The following SPTBN4 variants were observed in gnomAD, a reference collection of about 807,000 sequenced individuals.
The protein encoded by SPTBN4 is spectrin beta, non-erythrocytic 4, also known as spectrin beta chain, non-erythrocytic 4.
Under a neutral mutation model 277.8 loss-of-function variants are expected in SPTBN4, and 96 were observed. The observed-to-expected ratio is 0.35, with a 90% confidence interval of 0.29 to 0.41. The LOEUF (loss-of-function observed/expected upper bound fraction) is 0.41, where lower values mean the gene tolerates loss of function less well. Ranked by LOEUF, SPTBN4 falls within the 10% of genes least tolerant of loss-of-function variation. SPTBN4 has a pLI of 1.00. For synonymous variants in SPTBN4, 1,481 were observed against 1,580.3 expected (o/e 0.94, Z 1.49); for missense variants, 3,006 against 3,595.7 (o/e 0.84, Z 4.19).
intron 20 of SPTBN4, among the ~76,000 whole-genome samples, chr19:40,548,068 C>CAAA (rs2145921566): frequency 6.6e-6 from 1 of 152,256 alleles, no homozygotes; most frequent in African/African-American, 2.4e-5. Flanking sequence ...TCCATCTTTC[C>CAAA]CTTGGGGATT....
chr19:40,527,215 C>T (rs2145888490), intron 17 of SPTBN4, among the ~76,000 whole-genome samples: 1 of 152,284 alleles, frequency 6.6e-6, no homozygotes. Context: ...TTTTCTCTCC[C>T]TCCATCTGCA....
chr19:40,492,842 G>A, intron 4 of SPTBN4, 121 bp from the exon 5 acceptor site: 1 of 760,600 alleles, frequency 1.3e-6, no homozygotes, highest in Non-Finnish European at 2.2e-6. Flanking sequence ...CCCCCAGCCA[G>A]AAGCTGCCTC....
rs374234251 is a variant in SPTBN4 at position 40,557,259 on chromosome 19, C to T, written c.5526C>T (p.Asp1842=). 124 of 1,613,662 alleles carry T rather than the reference C, an allele frequency of 7.7e-5. No individual in the cohort carries two copies. Among genetic ancestry groups the T allele is most frequent in the East Asian group, 4.5e-4 (20 of 44,860 alleles). The change falls in exon 26 of 36, where the codon GAC becomes GAT. Residue 1842 remains aspartate (D), a synonymous_variant. Coordinates refer to ENST00000598249, the MANE Select transcript of SPTBN4 (RefSeq NM_020971.3). ...GGGAGCTTCATAAGTTCTTCAGTGA[C>T]GCCCGAGAGCTTCAGGGACAGATTG... The part of the protein sequence containing the change: ...ASRELHKFFS[D]ARELQGQIEE...
chr19:40,490,312 T>A lies in SPTBN4; in HGVS notation c.495+64T>A. On this transcript the variant is annotated intron_variant, in intron 4 of 35. Coordinates refer to ENST00000598249, the MANE Select transcript of SPTBN4 (RefSeq NM_020971.3). This position sits in a 1 kb window ranked among gnomAD's most constrained non-coding sequence, Gnocchi z 4.3. ...GGACTTAGGAAAGCGTTCCCCACCA[T>A]TTACCCATTCATTCTTTCCTTCCAA... 7 of 1,531,676 alleles carry A rather than the reference T, an allele frequency of 4.6e-6. No homozygotes were observed. Among genetic ancestry groups the A allele is most frequent in the Non-Finnish European group, 6.2e-6 (7 of 1,133,256 alleles). The allele number at this position is 1,531,676 out of a possible 1,614,324, so 94.9% of individuals were successfully genotyped here.
Position 40,504,083 on chromosome 19 carries a change from A to G in SPTBN4, c.1616A>G (p.Lys539Arg). 1 of 1,465,604 alleles carries G rather than the reference A, an allele frequency of 6.8e-7. No homozygotes were observed. Among genetic ancestry groups the G allele is most frequent in the South Asian group, 1.1e-5 (1 of 89,376 alleles). 90.8% of individuals were successfully genotyped at this position (1,465,604 alleles called of 1,614,324 possible). A position where few individuals can be genotyped will look rare whatever the true frequency, so the allele number is the denominator to read the frequency against. ...TRLEQNLALQ[K>R]VFQEMVYMVD... The stretch of plus-strand genomic sequence containing the variant: ...CTTGAGCAGAACCTTGCCCTGCAGA[A>G]GGTCTTCCAGGAGATGGTGTACATG... Residue 539 changes from lysine to arginine, a missense_variant, in exon 12 of 36, where the codon AAG (lysine) becomes AGG (arginine). Physicochemically the swap from Lys to Arg is conservative, Grantham distance 26. Coordinates refer to ENST00000598249, the MANE Select transcript of SPTBN4 (RefSeq NM_020971.3).
chr19:40,549,615 CATTT>C (rs757802567), intron 21 of SPTBN4, among the ~76,000 whole-genome samples: 302 of 152,354 alleles, frequency 2.0e-3, no homozygotes, highest in Middle Eastern at 3.4e-3. Context: ...TGAAGTCACT[CATTT>C]ATTTATTCAC....
intron 14 of SPTBN4, among the ~76,000 whole-genome samples, chr19:40,514,315 G>T (rs1040763784): frequency 1.1e-4 from 16 of 152,226 alleles, no homozygotes; most frequent in African/African-American, 3.1e-4. Flanking sequence ...TTGATTTAAA[G>T]ATGGGAGGAC....
At chr19:40,523,790 CT>C in intron 17 of SPTBN4, 151 bp downstream of exon 17, 2 of 796,288 alleles carry the variant, frequency 2.5e-6, no homozygotes, top group Non-Finnish European at 3.8e-6. Context: ...TCCATGTTGT[CT>C]TAGATTTGAT....
At chr19:40,474,393 C>G (rs903574298) in intron 2 of SPTBN4, among the ~76,000 whole-genome samples, 2 of 151,392 alleles carry the variant, frequency 1.3e-5, no homozygotes, top group Non-Finnish European at 2.9e-5. Context: ...CACCGAAACT[C>G]TCAGCCTTGG....
rs576794471 is a variant in SPTBN4, at chr19:40,502,164, G to A, written c.934G>A (p.Glu312Lys). 754 of 1,614,072 alleles carry A rather than the reference G, an allele frequency of 4.7e-4. 7 individuals are homozygous for A. The South Asian group carries it at 7.6e-3, about 16-fold the overall frequency. Residue 312 changes from glutamate to lysine, a missense_variant, in exon 9 of 36, where the codon GAA becomes AAA. Physicochemically the swap from Glu to Lys is moderately conservative, Grantham distance 56. Transcript: ENST00000598249. This position sits in a 1 kb window ranked among gnomAD's most constrained non-coding sequence, Gnocchi z 4.9. Reference protein sequence around the residue: ...DQVLEVGKIIERYEELAAELL... With the variant: ...DQVLEVGKIIKRYEELAAELL... Reference sequence around the variant, plus strand: ...GGTATTGGAGGTGGGGAAGATCATAGAACGCTACGAGGAGCTGGCGGCTGA... The same window carrying A: ...GGTATTGGAGGTGGGGAAGATCATAAAACGCTACGAGGAGCTGGCGGCTGA...
chr19:40,478,940 G>C (rs530984730), intron 2 of SPTBN4, among the ~76,000 whole-genome samples: 11 of 152,178 alleles, frequency 7.2e-5, no homozygotes, highest in Non-Finnish European at 1.6e-4. Context: ...CACATTTATA[G>C]AGGAACTCCA....
intron 31 of SPTBN4, 142 bp from the exon 32 acceptor site, chr19:40,569,515 A>G (rs954655542): frequency 1.3e-6 from 1 of 748,804 alleles, no homozygotes; most frequent in Non-Finnish European, 2.2e-6. Context: ...ACCTAAGGCG[A>G]GCATCTGAGA....
At position 40,550,335 on chromosome 19, in the gene SPTBN4, G is replaced by A; in HGVS notation, c.4674+8G>A. On this transcript the variant is annotated splice_region_variant and intron_variant, in intron 22 of 35. Transcript: ENST00000598249. ...CACATCAAAAAGAACCAGGTGAGCA[G>A]AGCCAGGTGAGGGAGCGAGTTAGGA... 1 of 1,605,842 alleles carries A rather than the reference G, an allele frequency of 6.2e-7. No individual in the cohort carries two copies. The highest frequency in any genetic ancestry group is 8.5e-7 in the Non-Finnish European group (1 of 1,179,888).
At chr19:40,543,740 A>G (rs946170135) in intron 20 of SPTBN4, among the ~76,000 whole-genome samples, 3 of 152,206 alleles carry the variant, frequency 2.0e-5, no homozygotes, top group Non-Finnish European at 4.4e-5. Context: ...TCAGTAAAAC[A>G]TAAAGTCTCA....
At position 40,519,433 on chromosome 19, in the gene SPTBN4, G is replaced by A; in HGVS notation, c.2936G>A (p.Arg979His). The A allele has an allele frequency of 6.3e-7, 1 of 1,598,192 alleles. No homozygotes were observed. The highest frequency in any genetic ancestry group is 1.1e-5 in the South Asian group (1 of 88,698). Reference protein sequence around the residue: ...WNRIVELVEQRKEEMSAVLLV... With the variant: ...WNRIVELVEQHKEEMSAVLLV... ...CGCATCGTGGAGCTAGTGGAACAGCGCAAAGAGGAAATGAGCGCGGTGCTG... is the reference window on the plus strand; with the variant it reads ...CGCATCGTGGAGCTAGTGGAACAGCACAAAGAGGAAATGAGCGCGGTGCTG... Residue 979 changes from arginine to histidine, a missense_variant, in exon 16 of 36, where the codon CGC becomes CAC. Transcript: ENST00000598249. The surrounding 1 kb of genome is among the most constrained non-coding windows in gnomAD (Gnocchi z 5.7).
Position 40,529,090 on chromosome 19 carries a change from G to T in SPTBN4, c.3907G>T (p.Asp1303Tyr). Reference sequence around the variant, plus strand: ...CCAGCAATGGATGCAAAAGCTACATGACCAACTTGAGCTGCAGCACTTCCT... The same window carrying T: ...CCAGCAATGGATGCAAAAGCTACATTACCAACTTGAGCTGCAGCACTTCCT... ...RAQQWMQKLH[D>Y]QLELQHFLRD... The change falls in exon 18 of 36, where the codon GAC becomes TAC. Residue 1303 changes from aspartate (D) to tyrosine (Y), a missense_variant. Coordinates refer to ENST00000598249, the MANE Select transcript of SPTBN4 (RefSeq NM_020971.3). 1.2e-6 allele frequency: 2 copies of T among 1,614,100 alleles called. No individual in the cohort carries two copies. Among genetic ancestry groups the T allele is most frequent in the South Asian group, 2.2e-5 (2 of 91,064 alleles).
Position 40,532,711 on chromosome 19 carries a change from G to A in SPTBN4, c.4035G>A (p.Arg1345=), listed in dbSNP as rs780656786. 8 of 1,613,438 alleles carry A rather than the reference G, an allele frequency of 5.0e-6. No homozygotes were observed. Among genetic ancestry groups the A allele is most frequent in the East Asian group, 4.5e-5 (2 of 44,846 alleles). The part of the protein sequence containing the change: ...DNHKLHKRWL[R]HQAFMAELAQ... Reference sequence around the variant, plus strand: ...ACAAGCTGCATAAGAGATGGCTCCGGCACCAGGCATTCATGGCCGAGCTGG... The same window carrying A: ...ACAAGCTGCATAAGAGATGGCTCCGACACCAGGCATTCATGGCCGAGCTGG... Residue 1345 remains arginine, a synonymous_variant, in exon 19 of 36, where the codon CGG becomes CGA. Coordinates refer to ENST00000598249, the MANE Select transcript of SPTBN4 (RefSeq NM_020971.3).
rs2080975865 is a variant in SPTBN4 at position 40,556,101 on chromosome 19, G to A, written c.5102G>A (p.Arg1701Gln). ...CCCTTCAGCGAGCAGATCAGCCGGC[G>A]GCAGTCTCAGGTGGACCGCCTGTAC... The part of the protein sequence containing the change: ...GHPDSEQISR[R>Q]QSQVDRLYVA... The change falls in exon 25 of 36, where the codon CGG becomes CAG. Residue 1701 changes from arginine to glutamine, a missense_variant. Physicochemically the swap from Arg to Gln is conservative, Grantham distance 43 (BLOSUM62 1). Transcript: ENST00000598249. 2.5e-6 allele frequency: 4 copies of A among 1,611,286 alleles called. No homozygotes were observed. The highest frequency in any genetic ancestry group is 3.4e-6 in the Non-Finnish European group (4 of 1,179,418).
At chr19:40,558,967 T>C (rs942096250) in intron 26 of SPTBN4, among the ~76,000 whole-genome samples, 1 of 149,704 alleles carries the variant, frequency 6.7e-6, no homozygotes, top group Non-Finnish European at 1.5e-5. Context: ...AGTCTCTCTT[T>C]GTCACCCAGG....
Sources: gnomAD v4.1 joint callset for allele counts (sites outside exome capture counted in the v4.1 genomes callset) on GRCh38, gnomAD v4.1.1 for gene constraint, Gnocchi (gnomAD v3.1) non-coding constraint, MANE v1.5 for transcripts, NCBI Gene and HGNC (gene_info 2026-07-23, HGNC 2026-07-21) for gene names.